CSMD1: variants seen among roughly 807,000 people sequenced by gnomAD.
The protein encoded by CSMD1 is CUB and sushi domain-containing protein 1.
A neutral mutation model predicts 417.5 loss-of-function variants in CSMD1; 213 were observed. That is an observed-to-expected ratio of 0.51 (90% confidence interval 0.46 to 0.57). CSMD1 has a LOEUF of 0.57. Among genes scored for constraint, CSMD1 ranks in the 20% least tolerant of loss-of-function variants. The pLI is 0.00. For synonymous variants in CSMD1, 2,862 were observed against 1,736.8 expected (o/e 1.65, Z -16.11); for missense variants, 6,923 against 4,529.7 (o/e 1.53, Z -15.17).
At chr8:4,322,774 C>G (rs1330536065) in intron 3 of CSMD1, among the ~76,000 whole-genome samples, 1 of 152,186 alleles carries the variant, frequency 6.6e-6, no homozygotes, top group Non-Finnish European at 1.5e-5. Flanking sequence ...GTAGGCGGAT[C>G]ACTTGACTTC....
At position 3,468,718 on chromosome 8, in the gene CSMD1, A is replaced by C. The variant is rs575366468; in HGVS notation, c.1555T>G (p.Tyr519Asp). ...AAGTGTAATCTCATCATACCTTGGT[A>C]AACAGCTTTAAACCCAGGTGAGCCA... Reference protein sequence around the residue: ...SIGSPGFKAVYQEIEKGGCGD... With the variant: ...SIGSPGFKAVDQEIEKGGCGD... Residue 519 changes from tyrosine to aspartate, a missense_variant, in exon 12 of 70, where the codon TAC (tyrosine) becomes GAC (aspartate). Tyr to Asp is a radical substitution (Grantham distance 160, BLOSUM62 -3). Coordinates refer to ENST00000635120, the MANE Select transcript of CSMD1 (RefSeq NM_033225.6). The C allele has an allele frequency of 6.3e-7, 1 of 1,595,022 alleles. No individual in the cohort carries two copies. The highest frequency in any genetic ancestry group is 1.7e-5 in the Admixed American group (1 of 58,318).
chr8:3,818,342 G>C (rs1801514529), intron 5 of CSMD1, among the ~76,000 whole-genome samples: 1 of 152,172 alleles, frequency 6.6e-6, no homozygotes, highest in South Asian at 2.1e-4. Flanking sequence ...CCTCATGTGA[G>C]AGAGCTAAAC....
At chr8:4,202,547 A>T (rs77375889) in intron 3 of CSMD1, among the ~76,000 whole-genome samples, 41 of 152,346 alleles carry the variant, frequency 2.7e-4, no homozygotes, top group African/African-American at 9.9e-4. Context: ...TTGTCAGGAC[A>T]TCAGCCTCGA....
chr8:4,204,766 T>C (rs1426553807), intron 3 of CSMD1, among the ~76,000 whole-genome samples: 3 of 152,120 alleles, frequency 2.0e-5, no homozygotes, highest in South Asian at 2.1e-4. Context: ...TCAATCCTCC[T>C]GCCTCAGCCT....
At chr8:4,919,738 G>T (rs969137344) in intron 1 of CSMD1, among the ~76,000 whole-genome samples, 2 of 152,070 alleles carry the variant, frequency 1.3e-5, no homozygotes. Flanking sequence ...TTGGAAGCTG[G>T]GCCTAGAATA....
At position 4,188,421 on chromosome 8, in the gene CSMD1, C is replaced by T. The variant is rs527721392; in HGVS notation, c.416-156322G>A. ...ATTCGTATATTGCCTCAGATTATTT[C>T]GGCAGATACAAGTCCTGAAATCCAG... On this transcript the variant is annotated intron_variant, in intron 3 of 69. Coordinates refer to ENST00000635120, the MANE Select transcript of CSMD1 (RefSeq NM_033225.6). Among the ~76,000 whole-genome samples the T allele has an allele frequency of 1.7e-3, 259 of 152,204 alleles. 2 individuals carry two copies. Among genetic ancestry groups the T allele is most frequent in the African/African-American group, 5.9e-3 (247 of 41,524 alleles).
intron 3 of CSMD1, among the ~76,000 whole-genome samples, chr8:4,343,113 TAA>T (rs1221411501): frequency 6.6e-6 from 1 of 152,106 alleles, no homozygotes; most frequent in Non-Finnish European, 1.5e-5. Context: ...GGGTATTTTA[TAA>T]CTCTCCAAAA....
intron 18 of CSMD1, among the ~76,000 whole-genome samples, chr8:3,380,622 G>A (rs746420882): frequency 5.3e-5 from 8 of 151,980 alleles, no homozygotes; most frequent in African/African-American, 1.9e-4. Flanking sequence ...CATCACTGTC[G>A]GTAGACTAAC....
chr8:4,810,335 A>G (rs1168014718), intron 1 of CSMD1, among the ~76,000 whole-genome samples: 1 of 152,160 alleles, frequency 6.6e-6, no homozygotes, highest in East Asian at 1.9e-4. Context: ...TTCTTTTGTA[A>G]ATGCACAGCT....
chr8:4,324,622 T>C (rs1386777482), intron 3 of CSMD1, among the ~76,000 whole-genome samples: 1 of 152,290 alleles, frequency 6.6e-6, no homozygotes, highest in South Asian at 2.1e-4. Context: ...ATTTATGACC[T>C]CCCATACAGA....
At chr8:3,261,829 C>T (rs1184211909) in intron 26 of CSMD1, among the ~76,000 whole-genome samples, 2 of 152,114 alleles carry the variant, frequency 1.3e-5, no homozygotes, top group Non-Finnish European at 1.5e-5. Flanking sequence ...AGATGAATGG[C>T]TGCCAGGGAT....
chr8:3,028,334 C>T (rs542007245), intron 51 of CSMD1, among the ~76,000 whole-genome samples: 1 of 152,222 alleles, frequency 6.6e-6, no homozygotes, highest in East Asian at 1.9e-4. Flanking sequence ...GGAAGGGGGG[C>T]ATTTCCTAAG....
intron 1 of CSMD1, among the ~76,000 whole-genome samples, chr8:4,652,912 G>A (rs983660292): frequency 2.0e-5 from 3 of 151,378 alleles, no homozygotes; most frequent in Admixed American, 1.3e-4. Flanking sequence ...CTGATGTGGT[G>A]GGGTGGAGTT....
At chr8:4,560,390 G>T (rs2130608302) in intron 2 of CSMD1, among the ~76,000 whole-genome samples, 1 of 152,276 alleles carries the variant, frequency 6.6e-6, no homozygotes, top group African/African-American at 2.4e-5. Context: ...AATGTTCCTA[G>T]TCCTTGCCTT....
intron 5 of CSMD1, among the ~76,000 whole-genome samples, chr8:3,773,408 T>C (rs887115908): frequency 6.6e-6 from 1 of 152,118 alleles, no homozygotes; most frequent in Non-Finnish European, 1.5e-5. Context: ...CACCTCAGCC[T>C]CCAGAGTAGC....
chr8:3,812,230 C>T (rs1801129538), intron 5 of CSMD1, among the ~76,000 whole-genome samples: 1 of 152,046 alleles, frequency 6.6e-6, no homozygotes, highest in South Asian at 2.1e-4. Flanking sequence ...TCAAAAGATA[C>T]AGGAAAGGGA....
rs1217648718 is a variant in CSMD1 at position 3,188,887 on chromosome 8, C to T, written c.5523G>A (p.Gln1841=). The T allele has an allele frequency of 6.4e-7, 1 of 1,560,826 alleles. No individual in the cohort carries two copies. The highest frequency in any genetic ancestry group is 1.9e-5 in the Admixed American group (1 of 51,706). ...KIIVTEGSGI[Q]IQVISFATEQ... is the part of the protein sequence containing the mutation. ...TAGACTGTGGACTTCAAGGACTCAC[C>T]TGAATTCCCGAGCCCTCCGTAACTA... The change falls in exon 35 of 70, where the codon CAG becomes CAA. Residue 1841 remains glutamine, a splice_region_variant and synonymous_variant. Transcript: ENST00000635120.
At chr8:3,370,272 AG>A (rs1410883857) in intron 18 of CSMD1, among the ~76,000 whole-genome samples, 11 of 152,344 alleles carry the variant, frequency 7.2e-5, no homozygotes, top group African/African-American at 2.6e-4. Flanking sequence ...TATGAATGGA[AG>A]CACTGAACTG....
intron 10 of CSMD1, among the ~76,000 whole-genome samples, chr8:3,573,373 C>T (rs1382303267): frequency 6.6e-6 from 1 of 152,066 alleles, no homozygotes; most frequent in African/African-American, 2.4e-5. Context: ...ATAGAAAAAA[C>T]AAGGTTTGTA....
Sources: allele counts gnomAD v4.1 joint callset (sites outside exome capture counted in the v4.1 genomes callset), GRCh38; gene constraint gnomAD v4.1.1; transcripts MANE v1.5; gene names NCBI Gene and HGNC (gene_info 2026-07-23, HGNC 2026-07-21).